Variants in FMR1 observed in about 807,000 individuals in gnomAD.
FMR1 encodes fragile X messenger ribonucleoprotein 1.
Under a neutral mutation model 50.6 loss-of-function variants are expected in FMR1, and 13 were observed. The ratio of observed to expected loss-of-function variants is 0.26; its 90% CI spans 0.17 to 0.41. The LOEUF is 0.41. Ranked by LOEUF, FMR1 falls within the 10% of genes least tolerant of loss-of-function variation. FMR1 has a pLI of 1.00. For synonymous variants in FMR1, 138 were observed against 164.1 expected, an observed-to-expected ratio of 0.84 and a Z score of 1.22; for missense variants, 316 against 491.3, an observed-to-expected ratio of 0.64 and a Z score of 3.37.
At chrX:147,923,843 T>TGTG (rs1160173609) in intron 2 of FMR1, among the ~76,000 whole-genome samples, 1 of 111,888 alleles carries the variant, frequency 8.9e-6, no homozygotes, top group Non-Finnish European at 1.9e-5. Context: ...AGTAATCTCT[T>TGTG]TGCCCTTCCT....
chrX:147,916,793 A>G (rs987008036), intron 1 of FMR1, among the ~76,000 whole-genome samples: 11 of 110,666 alleles, frequency 9.9e-5, no homozygotes, highest in African/African-American at 1.6e-4. Flanking sequence ...GTTGGAGTGC[A>G]GTGGTGGGAT....
chrX:147,936,523 T>A lies in FMR1; in HGVS notation c.900T>A (p.Asn300Lys). The change falls in exon 10 of 17, where the codon AAT (asparagine) becomes AAA (lysine). Residue 300 changes from asparagine to lysine, a missense_variant. Physicochemically the swap from Asn to Lys is moderately conservative, Grantham distance 94. This residue lies in a region of FMR1 where 124 missense variants were observed against 238.1 expected (regional missense o/e 0.52). Transcript: ENST00000370475. Reference protein sequence around the residue: ...RNLVGKVIGKNGKLIQEIVDK... With the variant: ...RNLVGKVIGKKGKLIQEIVDK... ...TCTTAGGCAAAGTAATAGGAAAAAA[T>A]GGAAAGCTGATTCAGGAGATTGTGG... is the stretch of plus-strand genomic sequence containing the variant. 1 of 1,198,734 alleles carries A rather than the reference T, an allele frequency of 8.3e-7. No individual in the cohort carries two copies. Among genetic ancestry groups the A allele is most frequent in the Non-Finnish European group, 1.1e-6 (1 of 883,924 alleles).
At chrX:147,931,298 C>G (rs985212783) in intron 7 of FMR1, among the ~76,000 whole-genome samples, 2 of 111,691 alleles carry the variant, frequency 1.8e-5, no homozygotes, top group Admixed American at 1.9e-4. Flanking sequence ...TTTGGCTAAC[C>G]ATTTATCAGT....
intron 16 of FMR1, chrX:147,948,476 T>TTCCA (rs781845856): frequency 4.7e-5 from 50 of 1,053,284 alleles, no homozygotes; most frequent in Non-Finnish European, 6.1e-5. Context: ...GACCAGTGTG[T>TTCCA]TCCAGTTAAA....
rs1557181823 is a variant in FMR1, at chrX:147,945,621, A to G, written c.1737+5A>G. ...ACAACAGATGGATCCCTTCAGGTAAAACCTGTCTGCCTCTTTTCATCTTAA... is the reference window on the plus strand; with the variant it reads ...ACAACAGATGGATCCCTTCAGGTAAGACCTGTCTGCCTCTTTTCATCTTAA... On this transcript the variant is annotated splice_donor_5th_base_variant and intron_variant, in intron 16 of 16. Transcript: ENST00000370475. 3 of 1,155,296 alleles carry G rather than the reference A, an allele frequency of 2.6e-6. No homozygotes were observed. In the South Asian group the frequency reaches 5.4e-5, roughly 21 times the overall value.
chrX:147,918,019 C>A (rs781870205), intron 1 of FMR1, among the ~76,000 whole-genome samples: 2 of 111,862 alleles, frequency 1.8e-5, no homozygotes. Context: ...TCAGGAACCT[C>A]CTCAACCTCT....
At chrX:147,914,554 A>G (rs1557174713) in intron 1 of FMR1, 1 of 112,312 alleles carries the variant, frequency 8.9e-6, no homozygotes, top group Non-Finnish European at 1.9e-5. Flanking sequence ...CAACTTGAGT[A>G]TAATGGAATT....
intron 14 of FMR1, chrX:147,943,902 A>G (rs1569546032): frequency 8.8e-6 from 1 of 114,117 alleles, no homozygotes; most frequent in Non-Finnish European, 1.8e-5. Context: ...TCAACAGTGT[A>G]TCTCCTTTGT....
intron 9 of FMR1, chrX:147,933,289 A>T: frequency 2.7e-6 from 1 of 363,911 alleles, no homozygotes; most frequent in Non-Finnish European, 4.5e-6. Flanking sequence ...TCTTAAAATT[A>T]AATAATTTTT....
In FMR1 at chrX:147,937,545, A is replaced by C; in HGVS notation, c.1070A>C (p.Asp357Ala). ...PNAPEEKKHL[D>A]IKENSTHFSQ... ...GCCCCAGAAGAAAAAAAACATTTAG[A>C]TATAAAGGAAAACAGCACCCATTTT... The change falls in exon 11 of 17, where the codon GAT becomes GCT. Residue 357 changes from aspartate to alanine, a missense_variant. Asp to Ala is a moderately radical substitution (Grantham distance 126). Coordinates refer to ENST00000370475, the MANE Select transcript of FMR1 (RefSeq NM_002024.6). 1 of 1,182,244 alleles carries C rather than the reference A, an allele frequency of 8.5e-7. No homozygotes were observed. The highest frequency in any genetic ancestry group is 1.8e-5 in the South Asian group (1 of 56,214).
Position 147,950,527 on chromosome X carries a change from C to T in FMR1, c.*1683C>T, listed in dbSNP as rs1557183423. 6.1e-6 allele frequency: 2 copies of T among 329,588 alleles called. No homozygotes were observed. The highest frequency in any genetic ancestry group is 6.2e-5 in the Admixed American group (2 of 32,256). 27.2% of individuals were successfully genotyped at this position (329,588 alleles called of 1,213,427 possible). ...TGTAACTGCTCTTGGGCAATATTCTCTGTACATATTAGCGACAACAGATTG... is the reference window on the plus strand; with the variant it reads ...TGTAACTGCTCTTGGGCAATATTCTTTGTACATATTAGCGACAACAGATTG... On this transcript the variant is annotated 3_prime_UTR_variant, in exon 17 of 17. Transcript: ENST00000370475.
chrX:147,929,160 C>T (rs190203528), intron 5 of FMR1, among the ~76,000 whole-genome samples: 74 of 111,729 alleles, frequency 6.6e-4, no homozygotes, highest in Non-Finnish European at 9.6e-4. Flanking sequence ...ACGATTTCTC[C>T]GTTTTTTTCT....
At chrX:147,912,902 C>T in intron 1 of FMR1, 1 of 289,903 alleles carries the variant, frequency 3.4e-6, no homozygotes, top group Non-Finnish European at 6.0e-6. Context: ...CATGGCCCAG[C>T]AGTGCATTGA....
chrX:147,931,432 C>CACT (rs2043603567), intron 7 of FMR1, among the ~76,000 whole-genome samples: 1 of 111,671 alleles, frequency 9.0e-6, no homozygotes, highest in African/African-American at 3.3e-5. Flanking sequence ...ATGGGTATTG[C>CACT]ACTTTTAAAT....
In FMR1 at chrX:147,938,135, C is replaced by G; in HGVS notation, c.1162C>G (p.Gln388Glu). 2 of 1,208,212 alleles carry G rather than the reference C, an allele frequency of 1.7e-6. No individual in the cohort carries two copies. The highest frequency in any genetic ancestry group is 2.2e-6 in the Non-Finnish European group (2 of 892,185). The change falls in exon 12 of 17, where the codon CAG (glutamine) becomes GAG (glutamate). Residue 388 changes from glutamine (Q) to glutamate (E), a missense_variant. Physicochemically the swap from Gln to Glu is conservative, Grantham distance 29 (BLOSUM62 2). Coordinates refer to ENST00000370475, the MANE Select transcript of FMR1 (RefSeq NM_002024.6). ...VASSVVAGES[Q>E]KPELKAWQGM... The stretch of plus-strand genomic sequence containing the variant: ...TTCATCAGTTGTAGCAGGGGAATCC[C>G]AGAAACCTGAACTCAAGGCTTGGCA...
intron 14 of FMR1, 190 bp from the exon 15 acceptor site, chrX:147,944,679 A>T (rs1303434838): frequency 1.1e-5 from 12 of 1,050,888 alleles, no homozygotes; most frequent in Non-Finnish European, 1.5e-5. Flanking sequence ...TTAACCTCAA[A>T]TATTGCAAAG....
chrX:147,912,188 G>T lies in FMR1; in HGVS notation c.9G>T (p.Glu3Asp), dbSNP rs1557173986. The T allele has an allele frequency of 8.6e-7, 1 of 1,159,249 alleles. No individual in the cohort carries two copies. Among genetic ancestry groups the T allele is most frequent in the Non-Finnish European group, 1.2e-6 (1 of 869,354 alleles). Residue 3 changes from glutamate to aspartate, a missense_variant, in exon 1 of 17, where the codon GAG becomes GAT. By Grantham distance (45) the Glu-to-Asp change is conservative. Transcript: ENST00000370475. ...GCAGGGCTGAAGAGAAGATGGAGGA[G>T]CTGGTGGTGGAAGTGCGGGGCTCCA... ME[E>D]LVVEVRGSNG...
chrX:147,920,718 C>G (rs1749574090), intron 1 of FMR1, among the ~76,000 whole-genome samples: 1 of 111,842 alleles, frequency 8.9e-6, no homozygotes. Flanking sequence ...TAGGGATAAG[C>G]ATAGGATGCT....
At chrX:147,924,585 C>G (rs918287646) in intron 2 of FMR1, among the ~76,000 whole-genome samples, 4 of 104,993 alleles carry the variant, frequency 3.8e-5, no homozygotes, top group Non-Finnish European at 7.8e-5. Flanking sequence ...GATCATGGCT[C>G]ACTGTAACCT....
Sources: gnomAD v4.1 joint callset for allele counts (sites outside exome capture counted in the v4.1 genomes callset) on GRCh38, gnomAD v4.1.1 for gene constraint, gnomAD v4.1.1 regional missense constraint, MANE v1.5 for transcripts, NCBI Gene and HGNC (gene_info 2026-07-23, HGNC 2026-07-21) for gene names.